The following URB2 variants were observed in gnomAD, a reference collection of about 807,000 sequenced individuals.
URB2 encodes the protein URB2 ribosome biogenesis homolog, also known as unhealthy ribosome biogenesis protein 2 homolog.
A neutral mutation model predicts 120.9 loss-of-function variants in URB2; 86 were observed. That is an observed-to-expected ratio of 0.71 (90% CI 0.60 to 0.85). URB2 has a LOEUF of 0.85. Ranked by LOEUF, URB2 falls within the 40% of genes least tolerant of loss-of-function variation. URB2 has a pLI of 0.00. For missense variants in URB2, 1,765 were observed against 1,836.5 expected (o/e 0.96, Z 0.71); for synonymous variants, 755 against 758.4 (o/e 1.00, Z 0.07).
chr1:229,641,708 A>G (rs1252005112), intron 4 of URB2, among the ~76,000 whole-genome samples: 3 of 152,192 alleles, frequency 2.0e-5, no homozygotes, highest in Non-Finnish European at 4.4e-5. Context: ...CCTGAATTCA[A>G]TTACAGAAAT....
chr1:229,640,273 G>C (rs2102789579), intron 4 of URB2, among the ~76,000 whole-genome samples: 1 of 152,244 alleles, frequency 6.6e-6, no homozygotes, highest in Admixed American at 6.5e-5. Flanking sequence ...TGTTTTTGGA[G>C]GCCCATTTAG....
In URB2 at chr1:229,653,589, C is replaced by T. The variant is rs548041396; in HGVS notation, c.4238-660C>T. ...GTGCTCTGGTGTGTGCTAGAACTTC[C>T]CCATGAGCTGTAACTCAAGCTGTGG... On this transcript the variant is annotated intron_variant, in intron 8 of 9. Transcript: ENST00000258243. Among the ~76,000 whole-genome samples the T allele has an allele frequency of 5.1e-4, 77 of 152,264 alleles. 1 individual carries two copies. In the South Asian group the frequency reaches 0.015, roughly 29 times the overall value.
intron 1 of URB2, 96 bp from the exon 2 acceptor site, chr1:229,627,525 A>T: frequency 8.5e-7 from 1 of 1,182,104 alleles, no homozygotes; most frequent in Non-Finnish European, 1.1e-6. Context: ...CATATTAGGT[A>T]AACAAGATAC....
chr1:229,628,501 A>G (rs560000528), intron 2 of URB2, among the ~76,000 whole-genome samples: 1 of 152,268 alleles, frequency 6.6e-6, no homozygotes, highest in South Asian at 2.1e-4. Flanking sequence ...ATATGCATTA[A>G]TGAACACATT....
At position 229,637,773 on chromosome 1, in the gene URB2, C is replaced by T. The variant is rs1403036354; in HGVS notation, c.3160C>T (p.Gln1054Ter). ...AGAAAATCAGAACCCCCAGGGCAGG[C>T]AGCTCCTTCTGGTGTCTTTAACCAG... is the stretch of plus-strand genomic sequence containing the variant. ...QLENQNPQGR[Q>*]LLLVSLTRLC... Residue 1054 changes from glutamine (Q) to a stop codon, truncating the protein, a stop_gained, in exon 4 of 10, where the codon CAG becomes TAG. Transcript: ENST00000258243. LOFTEE classifies it high-confidence loss of function. 3.7e-6 allele frequency: 6 copies of T among 1,614,066 alleles called. No homozygotes were observed. The highest frequency in any genetic ancestry group is 1.7e-5 in the Admixed American group (1 of 60,008).
Position 229,632,326 on chromosome 1 carries a change from C to T in URB2, c.184C>T (p.Leu62=). Residue 62 remains leucine (L), a synonymous_variant, in exon 3 of 10, where the codon CTG becomes TTG. Coordinates refer to ENST00000258243, the MANE Select transcript of URB2 (RefSeq NM_014777.4). ...LVAFYKKKLE[L]KEDIVERLWI... is the part of the protein sequence containing the mutation. The stretch of plus-strand genomic sequence containing the variant: ...TGCATTTTATAAGAAAAAGCTTGAA[C>T]TGAAGGAAGATATTGTTGAAAGGCT... 1 of 1,592,708 alleles carries T rather than the reference C, an allele frequency of 6.3e-7. No individual in the cohort carries two copies. The highest frequency in any genetic ancestry group is 1.8e-5 in the Admixed American group (1 of 54,538).
At chr1:229,653,852 A>G (rs1333481607) in intron 8 of URB2, among the ~76,000 whole-genome samples, 3 of 151,038 alleles carry the variant, frequency 2.0e-5, no homozygotes, top group East Asian at 2.0e-4. Flanking sequence ...TTTAAATCAT[A>G]TGATGTCGGT....
chr1:229,644,360 C>T (rs1666086954), intron 5 of URB2, among the ~76,000 whole-genome samples: 1 of 152,228 alleles, frequency 6.6e-6, no homozygotes, highest in South Asian at 2.1e-4. Context: ...ATATACAGCA[C>T]ACTGGTATTG....
rs763918387 is a variant in URB2, at chr1:229,637,795, C to T, written c.3182C>T (p.Thr1061Ile). The T allele has an allele frequency of 1.2e-6, 2 of 1,613,824 alleles. No individual in the cohort carries two copies. Among genetic ancestry groups the T allele is most frequent in the South Asian group, 2.2e-5 (2 of 91,062 alleles). ...AGGCAGCTCCTTCTGGTGTCTTTAA[C>T]CAGGTTGTGCCATGTCCTGGGACCT... is the stretch of plus-strand genomic sequence containing the variant. ...QGRQLLLVSL[T>I]RLCHVLGPFL... Residue 1061 changes from threonine (T) to isoleucine (I), a missense_variant, in exon 4 of 10, where the codon ACC becomes ATC. Coordinates refer to ENST00000258243, the MANE Select transcript of URB2 (RefSeq NM_014777.4).
rs576566315 is a variant in URB2 at position 229,634,715 on chromosome 1, T to C, written c.304-202T>C. Among the ~76,000 whole-genome samples, 213 of 152,212 alleles carry C rather than the reference T, an allele frequency of 1.4e-3. 4 individuals are homozygous for C. Among genetic ancestry groups the C allele is most frequent in the African/African-American group, 4.8e-3 (198 of 41,532 alleles). On this transcript the variant is annotated intron_variant, in intron 3 of 9. Coordinates refer to ENST00000258243, the MANE Select transcript of URB2 (RefSeq NM_014777.4). ...TTTGCATTGGTAGAAGATGGATGGG[T>C]GGAGGAATTGAAACAGATGCTTTGC...
At chr1:229,628,140 A>ATGTATAGTATGTATG (rs1665564569) in intron 2 of URB2, among the ~76,000 whole-genome samples, 1 of 116,656 alleles carries the variant, frequency 8.6e-6, no homozygotes, top group African/African-American at 3.6e-5. Flanking sequence ...TATATAATAT[A>ATGTATAGTATGTATG]TATATAATAT....
Position 229,635,763 on chromosome 1 carries a change from G to A in URB2, c.1150G>A (p.Glu384Lys). Residue 384 changes from glutamate to lysine, a missense_variant, in exon 4 of 10, where the codon GAG becomes AAG. Physicochemically the swap from Glu to Lys is moderately conservative, Grantham distance 56 (BLOSUM62 1). Transcript: ENST00000258243. ...CGCTGCCGACAGAATTCGGCACGAA[G>A]AGGCTCAGTTCCGCTTTTACCGCCA... ...NIAADRIRHE[E>K]AQFRFYRHVA... 1 of 1,614,220 alleles carries A rather than the reference G, an allele frequency of 6.2e-7. No homozygotes were observed. Among genetic ancestry groups the A allele is most frequent in the Non-Finnish European group, 8.5e-7 (1 of 1,180,046 alleles).
At chr1:229,651,500 T>C (rs906389965) in intron 8 of URB2, among the ~76,000 whole-genome samples, 178 bp downstream of exon 8, 13 of 152,178 alleles carry the variant, frequency 8.5e-5, no homozygotes, top group Admixed American at 8.5e-4. Context: ...TTTTATCTTA[T>C]CCAAAACAGT....
At chr1:229,628,190 AATAT>A (rs1335595491) in intron 2 of URB2, among the ~76,000 whole-genome samples, 1 of 144,502 alleles carries the variant, frequency 6.9e-6, no homozygotes, top group Non-Finnish European at 1.5e-5. Flanking sequence ...TAATATATAT[AATAT>A]ATATGTATAT....
chr1:229,641,575 AG>A (rs1178630019), intron 4 of URB2, among the ~76,000 whole-genome samples: 1 of 152,150 alleles, frequency 6.6e-6, no homozygotes, highest in Non-Finnish European at 1.5e-5. Flanking sequence ...GGCTTTGGGC[AG>A]GGAGAGGGAG....
intron 8 of URB2, 60 bp downstream of exon 8, chr1:229,651,382 G>A: frequency 1.4e-6 from 2 of 1,405,716 alleles, no homozygotes; most frequent in Admixed American, 2.3e-5. Context: ...TGTGGCTGCT[G>A]GCCACATATG....
At chr1:229,644,631 T>C (rs1292288214) in intron 5 of URB2, among the ~76,000 whole-genome samples, 1 of 151,794 alleles carries the variant, frequency 6.6e-6, no homozygotes, top group Non-Finnish European at 1.5e-5. Context: ...GGAGATAGCC[T>C]GTAGGTGGGC....
At position 229,637,601 on chromosome 1, in the gene URB2, A is replaced by T; in HGVS notation, c.2988A>T (p.Glu996Asp). ...AGATGGATGATCCCGCTTGGCTGGA[A>T]TTCCTCCAAGTGATAGGGACGTTCT... ...LIEMDDPAWL[E>D]FLQVIGTFLE... Residue 996 changes from glutamate (E) to aspartate (D), a missense_variant, in exon 4 of 10, where the codon GAA (glutamate) becomes GAT (aspartate). Physicochemically the swap from Glu to Asp is conservative, Grantham distance 45 (BLOSUM62 2). Coordinates refer to ENST00000258243, the MANE Select transcript of URB2 (RefSeq NM_014777.4). The T allele has an allele frequency of 2.5e-6, 4 of 1,614,156 alleles. No individual in the cohort carries two copies. Among genetic ancestry groups the T allele is most frequent in the Non-Finnish European group, 3.4e-6 (4 of 1,180,002 alleles).
chr1:229,644,543 G>T (rs1666091535), intron 5 of URB2, among the ~76,000 whole-genome samples: 1 of 152,194 alleles, frequency 6.6e-6, no homozygotes, highest in Non-Finnish European at 1.5e-5. Context: ...CAGCGTGTTG[G>T]GCTGCCAGGA....
Sources: gnomAD v4.1 joint callset for allele counts (sites outside exome capture counted in the v4.1 genomes callset) on GRCh38, gnomAD v4.1.1 for gene constraint, MANE v1.5 for transcripts, NCBI Gene and HGNC (gene_info 2026-07-23, HGNC 2026-07-21) for gene names.